Variants in CNTN4 observed in about 807,000 individuals in gnomAD.
CNTN4 encodes contactin 4, also known as contactin-4.
CNTN4 carries 77 observed loss-of-function variants against 122.5 expected under a neutral mutation model. The ratio of observed to expected loss-of-function variants is 0.63; its 90% confidence interval spans 0.52 to 0.76. The LOEUF (loss-of-function observed/expected upper bound fraction) is 0.76, where lower values mean the gene tolerates loss of function less well. Among genes scored for constraint, CNTN4 ranks in the 30% least tolerant of loss-of-function variants. CNTN4 has a pLI of 0.00. For missense variants in CNTN4, 1,256 were observed against 1,259.1 expected, an observed-to-expected ratio of 1.00 and a Z score of 0.04; for synonymous variants, 512 against 447.0, an observed-to-expected ratio of 1.15 and a Z score of -1.83.
chr3:2,540,413 G>A (rs760228542), intron 3 of CNTN4, among the ~76,000 whole-genome samples: 1 of 151,920 alleles, frequency 6.6e-6, no homozygotes, highest in Admixed American at 6.6e-5. Flanking sequence ...AACAGAAAGC[G>A]GCCGACTGAG....
chr3:2,601,950 A>T (rs1576174493), intron 4 of CNTN4, among the ~76,000 whole-genome samples: 1 of 152,208 alleles, frequency 6.6e-6, no homozygotes, highest in Non-Finnish European at 1.5e-5. Flanking sequence ...ACGCAAATCA[A>T]TAAACGTAAT....
chr3:2,943,005 G>A (rs1452692194), intron 13 of CNTN4, among the ~76,000 whole-genome samples: 1 of 152,158 alleles, frequency 6.6e-6, no homozygotes. Flanking sequence ...AGAAGGAAAT[G>A]CAAGATTATA....
At chr3:2,929,354 C>G (rs2094500081) in intron 13 of CNTN4, among the ~76,000 whole-genome samples, 1 of 152,120 alleles carries the variant, frequency 6.6e-6, no homozygotes, top group Non-Finnish European at 1.5e-5. Flanking sequence ...GCAGGTAAGA[C>G]TGAAGTTGAC....
intron 2 of CNTN4, among the ~76,000 whole-genome samples, chr3:2,258,583 T>C (rs1454864196): frequency 6.6e-6 from 1 of 152,188 alleles, no homozygotes; most frequent in Non-Finnish European, 1.5e-5. Context: ...CCTGCTAGTG[T>C]ACTGTGTTTG....
intron 12 of CNTN4, among the ~76,000 whole-genome samples, chr3:2,915,507 T>G (rs180728793): frequency 1.3e-5 from 2 of 152,350 alleles, no homozygotes; most frequent in East Asian, 3.9e-4. Flanking sequence ...TACTTATTCT[T>G]TGTCTAATTG....
intron 13 of CNTN4, among the ~76,000 whole-genome samples, chr3:2,961,744 T>C (rs2094862055): frequency 6.6e-6 from 1 of 152,160 alleles, no homozygotes; most frequent in South Asian, 2.1e-4. Context: ...TAAACAGGGC[T>C]TAGAGAGAAT....
chr3:2,308,353 T>A (rs2042793026), intron 2 of CNTN4, among the ~76,000 whole-genome samples: 1 of 152,064 alleles, frequency 6.6e-6, no homozygotes, highest in Non-Finnish European at 1.5e-5. Flanking sequence ...TAAGACCCAA[T>A]TTTTGTTCCA....
At chr3:3,031,112 A>G in intron 16 of CNTN4, 137 bp downstream of exon 16, 1 of 1,139,074 alleles carries the variant, frequency 8.8e-7, no homozygotes, top group Non-Finnish European at 1.3e-6. Context: ...ACAGTGGCTA[A>G]CAGTCCACAG....
Position 2,351,976 on chromosome 3 carries a change from T to C in CNTN4, c.-89+12743T>C, listed in dbSNP as rs149237614. Among the ~76,000 whole-genome samples, 44 of 152,290 alleles carry C rather than the reference T, an allele frequency of 2.9e-4. No homozygotes were observed. In the East Asian group the frequency reaches 7.9e-3, roughly 27 times the overall value. On this transcript the variant is annotated intron_variant, in intron 3 of 24. Coordinates refer to ENST00000418658, the MANE Select transcript of CNTN4 (RefSeq NM_175607.3). Reference sequence around the variant, plus strand: ...AAATTTCAAATGTCTCACCACAAAATAGAGGTGAGGTGATAGATATGTTAA... The same window carrying C: ...AAATTTCAAATGTCTCACCACAAAACAGAGGTGAGGTGATAGATATGTTAA...
intron 7 of CNTN4, among the ~76,000 whole-genome samples, chr3:2,851,062 A>G (rs1216980285): frequency 6.6e-6 from 1 of 152,238 alleles, no homozygotes; most frequent in Non-Finnish European, 1.5e-5. Flanking sequence ...GAAGGTGGGT[A>G]CAATGTATTT....
At chr3:2,169,340 T>A (rs1362276109) in intron 2 of CNTN4, among the ~76,000 whole-genome samples, 1 of 152,214 alleles carries the variant, frequency 6.6e-6, no homozygotes, top group African/African-American at 2.4e-5. Flanking sequence ...TGAAAGATGT[T>A]TAACGCCTTT....
chr3:2,118,235 A>G (rs1233245383), intron 2 of CNTN4, among the ~76,000 whole-genome samples: 4 of 152,220 alleles, frequency 2.6e-5, no homozygotes, highest in Non-Finnish European at 5.9e-5. Context: ...GTCTCAGGTC[A>G]TGCAGCTAAT....
intron 2 of CNTN4, among the ~76,000 whole-genome samples, chr3:2,222,385 T>C (rs1173633389): frequency 6.6e-6 from 1 of 152,038 alleles, no homozygotes; most frequent in East Asian, 1.9e-4. Context: ...TGCCAGGGGC[T>C]GGGAGGAGAG....
chr3:2,862,487 A>G (rs548421138), intron 7 of CNTN4, among the ~76,000 whole-genome samples: 1 of 152,350 alleles, frequency 6.6e-6, no homozygotes, highest in East Asian at 1.9e-4. Flanking sequence ...TTTAATGAGT[A>G]TCACAATACA....
chr3:2,476,444 T>A (rs2075836637), intron 3 of CNTN4, among the ~76,000 whole-genome samples: 1 of 152,238 alleles, frequency 6.6e-6, no homozygotes, highest in African/African-American at 2.4e-5. Flanking sequence ...GTCATGTATG[T>A]ACTATGTTTG....
intron 6 of CNTN4, among the ~76,000 whole-genome samples, chr3:2,790,457 G>C (rs1399747025): frequency 1.3e-5 from 2 of 152,162 alleles, no homozygotes; most frequent in African/African-American, 4.8e-5. Flanking sequence ...CTCCTCAGAA[G>C]GGAAAGGAGC....
chr3:2,594,198 G>C (rs2080646059), intron 4 of CNTN4, among the ~76,000 whole-genome samples: 1 of 147,554 alleles, frequency 6.8e-6, no homozygotes, highest in Non-Finnish European at 1.5e-5. Flanking sequence ...CATTTTCTTG[G>C]AGTAATGTTG....
chr3:2,957,500 T>C (rs2094812337), intron 13 of CNTN4, among the ~76,000 whole-genome samples: 1 of 152,152 alleles, frequency 6.6e-6, no homozygotes, highest in Admixed American at 6.6e-5. Context: ...CATGGGTATA[T>C]TGTGTGATGG....
At chr3:2,995,436 T>C (rs1695446502) in intron 14 of CNTN4, among the ~76,000 whole-genome samples, 1 of 152,242 alleles carries the variant, frequency 6.6e-6, no homozygotes, top group Non-Finnish European at 1.5e-5. Flanking sequence ...TTTGTAATGC[T>C]GATTGCATAC....
Sources: allele counts gnomAD v4.1 joint callset (sites outside exome capture counted in the v4.1 genomes callset), GRCh38; gene constraint gnomAD v4.1.1; transcripts MANE v1.5; gene names NCBI Gene and HGNC (gene_info 2026-07-23, HGNC 2026-07-21).